ZNF678: variants seen among roughly 807,000 people sequenced by gnomAD.
ZNF678 encodes the protein zinc finger protein 678.
ZNF678 carries 5 observed loss-of-function variants against 3.0 expected under a neutral mutation model. The observed-to-expected ratio is 1.69, with a 90% CI of 0.88 to 3.56. The LOEUF is 3.56. Among genes scored for constraint, ZNF678 ranks in the 30% most tolerant of loss-of-function variants. The pLI, the probability that ZNF678 is intolerant of heterozygous loss-of-function variation, is 0.00. For missense variants in ZNF678, 593 were observed against 605.0 expected, an observed-to-expected ratio of 0.98 and a Z score of 0.21; for synonymous variants, 218 against 199.6, an observed-to-expected ratio of 1.09 and a Z score of -0.78.
At chr1:227,649,290 C>T (rs374234757) in intron 2 of ZNF678, among the ~76,000 whole-genome samples, 12 of 152,158 alleles carry the variant, frequency 7.9e-5, no homozygotes, top group South Asian at 4.1e-4. Flanking sequence ...ATTTTTATAA[C>T]GACTTCACCA....
intron 1 of ZNF678, among the ~76,000 whole-genome samples, chr1:227,623,143 T>A (rs896583086): frequency 1.3e-5 from 2 of 152,262 alleles, no homozygotes; most frequent in Non-Finnish European, 2.9e-5. Context: ...GTTTATTGTT[T>A]ACTTCTTTAT....
At position 227,638,394 on chromosome 1, in the gene ZNF678, G is replaced by C. The variant is rs1013216674; in HGVS notation, c.-163-8150G>C. Among the ~76,000 whole-genome samples, 1 of 152,184 alleles carries C rather than the reference G, an allele frequency of 6.6e-6. No individual in the cohort carries two copies. The highest frequency in any genetic ancestry group is 2.4e-5 in the African/African-American group (1 of 41,446). ...AACAGATAGAACTGGTGTGTTAAAA[G>C]GGGATTTTGTTGGGCAGAGTAGGTG... On this transcript the variant is annotated intron_variant, in intron 1 of 3. Transcript: ENST00000343776. This position sits in a 1 kb window ranked among gnomAD's most constrained non-coding sequence, Gnocchi z 4.2.
At position 227,595,498 on chromosome 1, in the gene ZNF678, C is replaced by T. The variant is rs1364663325; in HGVS notation, c.-164+31774C>T. ...CCAGTCTGTTTTACACAAAGTTTTA[C>T]ATTTTCCTGGTGTCATAGTACTCCA... On this transcript the variant is annotated intron_variant, in intron 1 of 3. Coordinates refer to ENST00000343776, the MANE Select transcript of ZNF678 (RefSeq NM_001367909.1). Among the ~76,000 whole-genome samples the T allele has an allele frequency of 3.9e-5, 6 of 152,180 alleles. No homozygotes were observed. The South Asian group carries it at 1.2e-3, about 32-fold the overall frequency.
chr1:227,588,933 G>C (rs1253467917), intron 1 of ZNF678, among the ~76,000 whole-genome samples: 1 of 150,444 alleles, frequency 6.6e-6, no homozygotes, highest in Non-Finnish European at 1.5e-5. Flanking sequence ...TTGGCTGCAT[G>C]TATGTCTTCT....
intron 1 of ZNF678, among the ~76,000 whole-genome samples, chr1:227,610,096 A>C (rs978951100): frequency 6.6e-6 from 1 of 152,208 alleles, no homozygotes; most frequent in Admixed American, 6.5e-5. Flanking sequence ...AGTAACATAC[A>C]GAGTGTTCTA....
At chr1:227,580,706 G>C (rs1657108066) in intron 1 of ZNF678, among the ~76,000 whole-genome samples, 2 of 152,120 alleles carry the variant, frequency 1.3e-5, no homozygotes, top group South Asian at 4.1e-4. Flanking sequence ...AAGGCAGGCG[G>C]ATCATCTGAG....
At chr1:227,603,513 CACCCCAGTGTG>C (rs905836166) in intron 1 of ZNF678, among the ~76,000 whole-genome samples, 1 of 152,140 alleles carries the variant, frequency 6.6e-6, no homozygotes, top group African/African-American at 2.4e-5. Flanking sequence ...TGTATCTGGC[CACCCCAGTGTG>C]ACCCACTGGG....
rs1659384132 is a variant in ZNF678, at chr1:227,660,776, C to G, written c.*4948C>G. ...GATGAAGTTAGATATATTTGCCTTA[C>G]TATAACTCTTAGAAAAAAGGCTTAC... On this transcript the variant is annotated 3_prime_UTR_variant, in exon 4 of 4. Coordinates refer to ENST00000343776, the MANE Select transcript of ZNF678 (RefSeq NM_001367909.1). The G allele has an allele frequency of 6.6e-6, 1 of 152,124 alleles. No individual in the cohort carries two copies. Among genetic ancestry groups the G allele is most frequent in the African/African-American group, 2.4e-5 (1 of 41,424 alleles). 9.4% of individuals were successfully genotyped at this position (152,124 alleles called of 1,614,324 possible). A position where few individuals can be genotyped will look rare whatever the true frequency, so the allele number is the denominator to read the frequency against.
chr1:227,642,106 C>T (rs969499490), intron 1 of ZNF678, among the ~76,000 whole-genome samples: 1 of 152,202 alleles, frequency 6.6e-6, no homozygotes, highest in African/African-American at 2.4e-5. Context: ...AATAGTAAAC[C>T]AGGTTGACTC....
In ZNF678 at chr1:227,655,179, G is replaced by A. The variant is rs375858429; in HGVS notation, c.929G>A (p.Arg310His). The change falls in exon 4 of 4, where the codon CGT becomes CAT. Residue 310 changes from arginine (R) to histidine (H), a missense_variant. Coordinates refer to ENST00000343776, the MANE Select transcript of ZNF678 (RefSeq NM_001367909.1). ...TTTACACAGTTTGCAAGCCTTACTCGTCATAAAAGAATTCATACTGGAGAA... is the reference window on the plus strand; with the variant it reads ...TTTACACAGTTTGCAAGCCTTACTCATCATAAAAGAATTCATACTGGAGAA... Reference protein sequence around the residue: ...KAFTQFASLTRHKRIHTGEKP... With the variant: ...KAFTQFASLTHHKRIHTGEKP... 40 of 1,606,932 alleles carry A rather than the reference G, an allele frequency of 2.5e-5. No individual in the cohort carries two copies. Among genetic ancestry groups the A allele is most frequent in the African/African-American group, 9.6e-5 (7 of 73,198 alleles).
intron 1 of ZNF678, among the ~76,000 whole-genome samples, chr1:227,565,616 C>A (rs1350363270): frequency 6.6e-6 from 1 of 151,976 alleles, no homozygotes; most frequent in Non-Finnish European, 1.5e-5. Flanking sequence ...TTTGTGAAGG[C>A]AGAGAATAAC....
In ZNF678 at chr1:227,654,547, T is replaced by G; in HGVS notation, c.297T>G (p.Cys99Trp). Residue 99 changes from cysteine (C) to tryptophan (W), a missense_variant, in exon 4 of 4, where the codon TGT (cysteine) becomes TGG (tryptophan). Coordinates refer to ENST00000343776, the MANE Select transcript of ZNF678 (RefSeq NM_001367909.1). ...CAACTAAAAGCAAAATCTTTCAATGTATTGAATGTGGCAGAAATTTTAGCT... is the reference window on the plus strand; with the variant it reads ...CAACTAAAAGCAAAATCTTTCAATGGATTGAATGTGGCAGAAATTTTAGCT... ...CSSTKSKIFQ[C>W]IECGRNFSWR... The G allele has an allele frequency of 6.2e-7, 1 of 1,613,306 alleles. No individual in the cohort carries two copies. The highest frequency in any genetic ancestry group is 1.1e-5 in the South Asian group (1 of 91,060).
intron 1 of ZNF678, among the ~76,000 whole-genome samples, chr1:227,640,216 A>G (rs1233494737): frequency 6.6e-6 from 1 of 152,138 alleles, no homozygotes; most frequent in Non-Finnish European, 1.5e-5. Flanking sequence ...GAGGGTGGTG[A>G]GGAAGGAGAA....
In ZNF678 at chr1:227,619,749, G is replaced by T. The variant is rs537843927; in HGVS notation, c.-163-26795G>T. 1.4e-4 allele frequency among the ~76,000 whole-genome samples: 22 copies of T among 152,192 alleles called. No individual in the cohort carries two copies. The South Asian group carries it at 4.6e-3, about 32-fold the overall frequency. ...GATGGTCTCGATCTCTTGACCTCAT[G>T]ATCCGCCCGCCTTGGCCTCCCAAAG... is the stretch of plus-strand genomic sequence containing the variant. On this transcript the variant is annotated intron_variant, in intron 1 of 3. Coordinates refer to ENST00000343776, the MANE Select transcript of ZNF678 (RefSeq NM_001367909.1).
At chr1:227,629,331 A>C (rs929191913) in intron 1 of ZNF678, among the ~76,000 whole-genome samples, 1 of 152,176 alleles carries the variant, frequency 6.6e-6, no homozygotes, top group African/African-American at 2.4e-5. Context: ...GGGGACAACA[A>C]ATGGGTGTTC....
At chr1:227,614,278 C>G (rs1398393490) in intron 1 of ZNF678, among the ~76,000 whole-genome samples, 2 of 152,224 alleles carry the variant, frequency 1.3e-5, no homozygotes, top group African/African-American at 4.8e-5. Flanking sequence ...GTTGCTTCCA[C>G]TGCTTTATTG....
chr1:227,659,694 A>G lies in ZNF678; in HGVS notation c.*3866A>G, dbSNP rs1224049942. 6.6e-6 allele frequency: 1 copy of G among 152,168 alleles called. No homozygotes were observed. The highest frequency in any genetic ancestry group is 2.4e-5 in the African/African-American group (1 of 41,444). The allele number at this position is 152,168 out of a possible 1,614,324, so 9.4% of individuals were successfully genotyped here. A position where few individuals can be genotyped will look rare whatever the true frequency, so the allele number is the denominator to read the frequency against. On this transcript the variant is annotated 3_prime_UTR_variant, in exon 4 of 4. Transcript: ENST00000343776. ...TTTATGAAAAAGATGCAGACTCAGT[A>G]TTTGGAGCATTGCTATCGCTCCATG...
chr1:227,592,299 A>G (rs984411881), intron 1 of ZNF678, among the ~76,000 whole-genome samples: 1 of 152,236 alleles, frequency 6.6e-6, no homozygotes, highest in Non-Finnish European at 1.5e-5. Context: ...GGGGGATTTT[A>G]GGTTTAGGTT....
At chr1:227,583,859 G>T (rs1047236894) in intron 1 of ZNF678, among the ~76,000 whole-genome samples, 3 of 152,148 alleles carry the variant, frequency 2.0e-5, no homozygotes, top group Admixed American at 2.0e-4. Flanking sequence ...CACATGATTG[G>T]CTCTAGCTAC....
Sources: allele counts gnomAD v4.1 joint callset (sites outside exome capture counted in the v4.1 genomes callset), GRCh38; gene constraint gnomAD v4.1.1; non-coding constraint Gnocchi (gnomAD v3.1); transcripts MANE v1.5; gene names NCBI Gene and HGNC (gene_info 2026-07-23, HGNC 2026-07-21).